Variants in CADPS2 observed in about 807,000 individuals in gnomAD.
The protein encoded by CADPS2 is calcium-dependent secretion activator 2.
CADPS2 carries 93 observed loss-of-function variants against 172.5 expected under a neutral mutation model. The ratio of observed to expected loss-of-function variants is 0.54; its 90% CI spans 0.46 to 0.64. The LOEUF is 0.64. CADPS2 is among the 30% of genes least tolerant of loss of function. The probability of loss-of-function intolerance (pLI) is 0.00; values close to 1 mark genes in which losing one functional copy is unlikely to be tolerated. For synonymous variants in CADPS2, 546 were observed against 555.2 expected, an observed-to-expected ratio of 0.98 and a Z score of 0.23; for missense variants, 1,420 against 1,565.9, an observed-to-expected ratio of 0.91 and a Z score of 1.57.
At chr7:122,479,304 T>G (rs1019829371) in intron 12 of CADPS2, among the ~76,000 whole-genome samples, 1 of 152,208 alleles carries the variant, frequency 6.6e-6, no homozygotes, top group African/African-American at 2.4e-5. Flanking sequence ...TTACCACTAC[T>G]CACATCTGAT....
chr7:122,629,929 C>T (rs2076417875), intron 3 of CADPS2, among the ~76,000 whole-genome samples: 2 of 151,998 alleles, frequency 1.3e-5, no homozygotes, highest in African/African-American at 4.8e-5. Context: ...GAAAAGTGTG[C>T]TCTCATCATT....
intron 7 of CADPS2, among the ~76,000 whole-genome samples, chr7:122,558,996 C>T (rs886206342): frequency 1.3e-5 from 2 of 152,108 alleles, no homozygotes; most frequent in African/African-American, 4.8e-5. Flanking sequence ...CCATATATGT[C>T]TCTTAGCTTA....
intron 27 of CADPS2, among the ~76,000 whole-genome samples, chr7:122,353,852 G>A (rs113831716): frequency 0.027 from 4,101 of 152,146 alleles, 190 homozygotes; most frequent in African/African-American, 0.094. Context: ...GCTCCCACTT[G>A]TTTTTAGTCA....
intron 8 of CADPS2, among the ~76,000 whole-genome samples, chr7:122,515,193 G>A (rs961864223): frequency 3.3e-5 from 5 of 152,104 alleles, no homozygotes; most frequent in Non-Finnish European, 5.9e-5. Context: ...TTATGATACC[G>A]TTAATTCATT....
At chr7:122,671,758 C>T (rs151028675) in intron 2 of CADPS2, among the ~76,000 whole-genome samples, 3 of 152,104 alleles carry the variant, frequency 2.0e-5, no homozygotes, top group East Asian at 3.9e-4. Flanking sequence ...ATGGAAAACA[C>T]GAAAGAAGGA....
chr7:122,682,672 T>C lies in CADPS2; in HGVS notation c.454-19103A>G, dbSNP rs573386334. The stretch of plus-strand genomic sequence containing the variant: ...TTACAGAATTCAATTCACCTCATCC[T>C]TACTTCTGTGCTACTCTCCACTCAT... On this transcript the variant is annotated intron_variant, in intron 2 of 29. Transcript: ENST00000449022. 2.6e-5 allele frequency among the ~76,000 whole-genome samples: 4 copies of C among 152,338 alleles called. No homozygotes were observed. The South Asian group carries it at 8.3e-4, about 32-fold the overall frequency.
chr7:122,645,353 G>A lies in CADPS2; in HGVS notation c.787-16025C>T, dbSNP rs151100373. ...TATATACACACATGTACATGTGTGT[G>A]TATACATGTACATGTATACACACAT... On this transcript the variant is annotated intron_variant, in intron 3 of 29. Coordinates refer to ENST00000449022, the MANE Select transcript of CADPS2 (RefSeq NM_017954.11). 9.4e-3 allele frequency among the ~76,000 whole-genome samples: 969 copies of A among 102,954 alleles called. 37 individuals carry two copies. The highest frequency in any genetic ancestry group is 0.012 in the African/African-American group (374 of 31,000). 67.5% of individuals were successfully genotyped at this position (102,954 alleles called of 152,430 possible). A position where few individuals can be genotyped will look rare whatever the true frequency, so the allele number is the denominator to read the frequency against.
intron 1 of CADPS2, among the ~76,000 whole-genome samples, chr7:122,804,680 G>C (rs1798404843): frequency 6.6e-6 from 1 of 152,128 alleles, no homozygotes; most frequent in African/African-American, 2.4e-5. Context: ...GACACCTCAG[G>C]ACCCAATGCA....
At chr7:122,645,364 CATGTATACACACATATGTACAT>C (rs2078258691) in intron 3 of CADPS2, among the ~76,000 whole-genome samples, 1 of 78,354 alleles carries the variant, frequency 1.3e-5, no homozygotes, top group Non-Finnish European at 3.4e-5. Context: ...TATACATGTA[CATGTATACACACATATGTACAT>C]GTGTGTGTAT....
intron 5 of CADPS2, among the ~76,000 whole-genome samples, chr7:122,621,094 G>T (rs2075556751): frequency 6.6e-6 from 1 of 151,650 alleles, no homozygotes; most frequent in Non-Finnish European, 1.5e-5. Context: ...TAGAAACAGG[G>T]TCTCACTATG....
intron 2 of CADPS2, among the ~76,000 whole-genome samples, chr7:122,728,570 G>A (rs1025967610): frequency 3.3e-5 from 5 of 151,720 alleles, no homozygotes; most frequent in African/African-American, 4.8e-5. Flanking sequence ...TGTCCTGAAA[G>A]TAAAGTATCA....
intron 2 of CADPS2, among the ~76,000 whole-genome samples, chr7:122,719,584 T>C (rs760005414): frequency 2.8e-4 from 43 of 152,318 alleles, no homozygotes; most frequent in Non-Finnish European, 5.3e-4. Flanking sequence ...ACTTTTATTC[T>C]TGAAGGTTCT....
chr7:122,410,677 T>C (rs948238944), intron 19 of CADPS2, among the ~76,000 whole-genome samples: 2 of 152,156 alleles, frequency 1.3e-5, no homozygotes, highest in South Asian at 2.1e-4. Context: ...TAAAAGTTTA[T>C]TGCTGTGCAA....
chr7:122,330,507 C>A (rs1230092128), intron 28 of CADPS2, among the ~76,000 whole-genome samples: 1 of 152,014 alleles, frequency 6.6e-6, no homozygotes, highest in Non-Finnish European at 1.5e-5. Flanking sequence ...GTTTTTCTAC[C>A]CTGTTCAAGG....
rs532705911 is a variant in CADPS2 at position 122,625,647 on chromosome 7, G to A, written c.867+3601C>T. On this transcript the variant is annotated intron_variant, in intron 4 of 29. Transcript: ENST00000449022. The stretch of plus-strand genomic sequence containing the variant: ...TCCGCCCTACAGATTTCAGACTTAA[G>A]ACTGTAACATCAACCCTCACCTGAA... Among the ~76,000 whole-genome samples, 165 of 152,056 alleles carry A rather than the reference G, an allele frequency of 1.1e-3. 3 individuals are homozygous for A. The South Asian group carries it at 0.033, about 30-fold the overall frequency.
intron 1 of CADPS2, among the ~76,000 whole-genome samples, chr7:122,864,075 T>G (rs904641101): frequency 1.3e-5 from 2 of 150,722 alleles, no homozygotes; most frequent in African/African-American, 4.9e-5. Context: ...TCATGAGGAT[T>G]ACAGAACATA....
intron 25 of CADPS2, 184 bp downstream of exon 25, chr7:122,379,184 C>G (rs2042701589): frequency 4.6e-6 from 2 of 435,100 alleles, no homozygotes; most frequent in African/African-American, 2.0e-5. Flanking sequence ...TACAAAAAAA[C>G]AAAAGCTGTT....
chr7:122,527,324 T>G (rs1441661972), intron 8 of CADPS2, among the ~76,000 whole-genome samples: 1 of 151,296 alleles, frequency 6.6e-6, no homozygotes, highest in Non-Finnish European at 1.5e-5. Flanking sequence ...TCTCACAGCA[T>G]CACAAGGACC....
chr7:122,583,861 T>TGTATATAACATATGTGTATATATACATAC (rs2069229487), intron 6 of CADPS2, among the ~76,000 whole-genome samples: 1 of 151,154 alleles, frequency 6.6e-6, no homozygotes, highest in Non-Finnish European at 1.5e-5. Context: ...CATATACATA[T>TGTATATAACATATGTGTATATATACATAC]GTATATAACA....
Sources: gnomAD v4.1 joint callset for allele counts (sites outside exome capture counted in the v4.1 genomes callset) on GRCh38, gnomAD v4.1.1 for gene constraint, MANE v1.5 for transcripts, NCBI Gene and HGNC (gene_info 2026-07-23, HGNC 2026-07-21) for gene names.